The following NELL1 variants were observed in gnomAD, a reference collection of about 807,000 sequenced individuals.
NELL1 encodes protein kinase C-binding protein NELL1.
NELL1 carries 76 observed loss-of-function variants against 107.4 expected under a neutral mutation model. The observed-to-expected ratio is 0.71, with a 90% CI of 0.59 to 0.86. The LOEUF is 0.86. NELL1 is among the 40% of genes least tolerant of loss of function. NELL1 has a pLI of 0.00. For missense variants in NELL1, 1,024 were observed against 1,005.5 expected, an observed-to-expected ratio of 1.02 and a Z score of -0.25; for synonymous variants, 353 against 341.2, an observed-to-expected ratio of 1.03 and a Z score of -0.38.
intron 13 of NELL1, among the ~76,000 whole-genome samples, chr11:21,119,386 G>GAAAAA (rs5790163): frequency 1.5e-5 from 2 of 129,140 alleles, no homozygotes; most frequent in African/African-American, 5.7e-5. Context: ...GCTAAAAATT[G>GAAAAA]AAAAAAAAAA....
chr11:21,314,182 C>T (rs568483828), intron 14 of NELL1, among the ~76,000 whole-genome samples: 1 of 152,148 alleles, frequency 6.6e-6, no homozygotes, highest in South Asian at 2.1e-4. Context: ...TACCCAGTGT[C>T]AGGTATTTCT....
intron 15 of NELL1, among the ~76,000 whole-genome samples, chr11:21,512,233 T>C (rs1347072780): frequency 1.3e-5 from 2 of 152,270 alleles, no homozygotes; most frequent in Non-Finnish European, 2.9e-5. Context: ...CAGGCCAGCC[T>C]CCTGTTTAAT....
At chr11:21,547,682 A>G (rs1856477386) in intron 16 of NELL1, among the ~76,000 whole-genome samples, 1 of 151,944 alleles carries the variant, frequency 6.6e-6, no homozygotes, top group African/African-American at 2.4e-5. Flanking sequence ...TTTTGCTTCA[A>G]ATGACTTTCT....
chr11:21,486,732 A>G (rs545234390), intron 15 of NELL1, among the ~76,000 whole-genome samples: 60 of 152,176 alleles, frequency 3.9e-4, no homozygotes, highest in Non-Finnish European at 6.9e-4. Flanking sequence ...AATATAAAAA[A>G]CAATTCAGGA....
chr11:21,196,471 C>G (rs1857155725), intron 13 of NELL1, among the ~76,000 whole-genome samples: 1 of 152,046 alleles, frequency 6.6e-6, no homozygotes, highest in Non-Finnish European at 1.5e-5. Flanking sequence ...ATTCCTCTGG[C>G]TAGAATGCTA....
At chr11:20,829,223 A>ATTTTT (rs758970966) in intron 3 of NELL1, among the ~76,000 whole-genome samples, 26 of 118,886 alleles carry the variant, frequency 2.2e-4, no homozygotes, top group African/African-American at 8.2e-4. Flanking sequence ...CTGCAGGACT[A>ATTTTT]TTTTTTTTTT....
At chr11:21,414,660 T>C (rs969655389) in intron 15 of NELL1, among the ~76,000 whole-genome samples, 5 of 152,098 alleles carry the variant, frequency 3.3e-5, no homozygotes, top group African/African-American at 9.7e-5. Flanking sequence ...TAAAATATAA[T>C]GTTTTCTTCT....
intron 14 of NELL1, among the ~76,000 whole-genome samples, chr11:21,230,446 A>G (rs766493565): frequency 6.6e-6 from 1 of 152,230 alleles, no homozygotes; most frequent in Non-Finnish European, 1.5e-5. Context: ...CTTGTTCACT[A>G]TGTGTTAATT....
At chr11:21,550,423 T>C (rs996199488) in intron 16 of NELL1, among the ~76,000 whole-genome samples, 1 of 152,036 alleles carries the variant, frequency 6.6e-6, no homozygotes, top group Non-Finnish European at 1.5e-5. Flanking sequence ...CCCGTGCCTA[T>C]GTCCTGAATG....
intron 13 of NELL1, among the ~76,000 whole-genome samples, chr11:21,133,462 C>T (rs1463796458): frequency 6.6e-6 from 1 of 152,164 alleles, no homozygotes; most frequent in Non-Finnish European, 1.5e-5. Context: ...AACCTGCTGT[C>T]CCTGGCACCC....
intron 11 of NELL1, among the ~76,000 whole-genome samples, chr11:20,947,943 A>T (rs1345972305): frequency 6.6e-6 from 1 of 152,196 alleles, no homozygotes; most frequent in African/African-American, 2.4e-5. Context: ...CAGATAAATA[A>T]CACTTGGTTG....
chr11:21,108,261 GC>G (rs1200213432), intron 12 of NELL1, among the ~76,000 whole-genome samples: 2 of 152,018 alleles, frequency 1.3e-5, no homozygotes. Flanking sequence ...GGTTACCCAG[GC>G]CCTGCCTTCT....
rs189060435 is a variant in NELL1 at position 21,367,101 on chromosome 11, C to T, written c.1550-3752C>T. ...TACTCTTTCTGTGGATTGAACCTCT[C>T]TCAAATATGAATTTTGTGATTTTAT... On this transcript the variant is annotated intron_variant, in intron 14 of 19. Transcript: ENST00000357134. Among the ~76,000 whole-genome samples the T allele has an allele frequency of 1.6e-3, 249 of 152,096 alleles. 3 individuals carry two copies. The highest frequency in any genetic ancestry group is 5.6e-3 in the African/African-American group (231 of 41,482).
intron 13 of NELL1, among the ~76,000 whole-genome samples, chr11:21,205,343 T>C (rs1436880535): frequency 6.6e-6 from 1 of 152,202 alleles, no homozygotes; most frequent in Non-Finnish European, 1.5e-5. Flanking sequence ...GCAGTCTGGC[T>C]ACAGTGGCTT....
intron 13 of NELL1, among the ~76,000 whole-genome samples, chr11:21,186,791 A>G (rs924362346): frequency 6.6e-6 from 1 of 151,944 alleles, no homozygotes; most frequent in Non-Finnish European, 1.5e-5. Context: ...AGGGAAATGA[A>G]TAAGTAGTGG....
chr11:21,532,874 ACT>A (rs1382680923), intron 15 of NELL1, among the ~76,000 whole-genome samples: 2 of 152,130 alleles, frequency 1.3e-5, no homozygotes, highest in East Asian at 3.9e-4. Flanking sequence ...TCATTTCTCT[ACT>A]TGAAGTTTTA....
At chr11:21,284,338 A>G (rs1381457155) in intron 14 of NELL1, 1 of 457,264 alleles carries the variant, frequency 2.2e-6, no homozygotes, top group Admixed American at 2.3e-5. Context: ...GTGTGAAAGG[A>G]GTGACAGAGA....
chr11:20,804,247 C>G (rs2134005620), intron 3 of NELL1, among the ~76,000 whole-genome samples: 1 of 151,998 alleles, frequency 6.6e-6, no homozygotes, highest in Non-Finnish European at 1.5e-5. Flanking sequence ...ATTGTTTATC[C>G]ATTTTTGAGA....
chr11:21,218,890 G>T (rs12800249), intron 13 of NELL1, among the ~76,000 whole-genome samples: 9,277 of 152,126 alleles, frequency 0.061, 374 homozygotes, highest in Admixed American at 0.092. Context: ...TTCTTGTATT[G>T]ATGGACACTT....
Sources: gnomAD v4.1 joint callset for allele counts (sites outside exome capture counted in the v4.1 genomes callset) on GRCh38, gnomAD v4.1.1 for gene constraint, MANE v1.5 for transcripts, NCBI Gene and HGNC (gene_info 2026-07-23, HGNC 2026-07-21) for gene names.